Variants in FADS6 observed in about 807,000 individuals in gnomAD.
FADS6 encodes the protein fatty acid desaturase 6.
FADS6 carries 28 observed loss-of-function variants against 31.7 expected under a neutral mutation model. The observed-to-expected ratio is 0.88, with a 90% CI of 0.66 to 1.21. The LOEUF (loss-of-function observed/expected upper bound fraction) is 1.21, where lower values mean the gene tolerates loss of function less well. Ranked by LOEUF, FADS6 falls within the 50% of genes most tolerant of loss-of-function variation. FADS6 has a pLI of 0.00. For missense variants in FADS6, 494 were observed against 504.2 expected (o/e 0.98, Z 0.19); for synonymous variants, 191 against 213.1 (o/e 0.90, Z 0.90).
chr17:74,879,957 G>A (rs1397121835), intron 4 of FADS6, among the ~76,000 whole-genome samples: 1 of 152,200 alleles, frequency 6.6e-6, no homozygotes, highest in African/African-American at 2.4e-5. Flanking sequence ...TCAAGGTCAA[G>A]TTTAATAGGC....
rs776406127 is a variant in FADS6, at chr17:74,893,509, C to T, written c.87G>A (p.Glu29=). 35 of 1,569,290 alleles carry T rather than the reference C, an allele frequency of 2.2e-5. No individual in the cohort carries two copies. The highest frequency in any genetic ancestry group is 2.8e-5 in the Non-Finnish European group (33 of 1,157,956). Residue 29 remains glutamate, a synonymous_variant, in exon 1 of 6, where the codon GAG becomes GAA. Transcript: ENST00000612771. ...MEPTEPMEPT[E]PMEPARSAHR... is the part of the protein sequence containing the mutation. ...GCGCGCTCCGCGCCGGTTCCATGGG[C>T]TCCGTAGGTTCCATGGGCTCCGTAG...
At chr17:74,879,905 A>T (rs2144705834) in intron 4 of FADS6, among the ~76,000 whole-genome samples, 1 of 152,026 alleles carries the variant, frequency 6.6e-6, no homozygotes, top group Middle Eastern at 3.4e-3. Flanking sequence ...TTCTGGAGAG[A>T]CCCTTCCTGC....
rs373693266 is a variant in FADS6, at chr17:74,888,482, G to T, written c.411+4041C>A. On this transcript the variant is annotated intron_variant, in intron 2 of 5. Transcript: ENST00000612771. ...GAAGGTTGGAGAGACGGCCTGGAGG[G>T]TAATGGTCACACTGAACGCCTGTGA... Among the ~76,000 whole-genome samples the T allele has an allele frequency of 5.3e-5, 8 of 152,282 alleles. No homozygotes were observed. The East Asian group carries it at 1.2e-3, about 22-fold the overall frequency.
At chr17:74,889,994 G>A (rs2038671220) in intron 2 of FADS6, among the ~76,000 whole-genome samples, 1 of 151,758 alleles carries the variant, frequency 6.6e-6, no homozygotes, top group African/African-American at 2.4e-5. Context: ...TCAGGACCAG[G>A]CCCTCCATTA....
chr17:74,890,569 G>A lies in FADS6; in HGVS notation c.411+1954C>T, dbSNP rs115819112. ...CAGCTTCGAGGGGGCTTGCAGGCCT[G>A]AACCTGGTTCCCTAGACAACTGCAG... On this transcript the variant is annotated intron_variant, in intron 2 of 5. Transcript: ENST00000612771. Among the ~76,000 whole-genome samples the A allele has an allele frequency of 7.0e-3, 1,063 of 152,278 alleles. 9 individuals are homozygous for A. The highest frequency in any genetic ancestry group is 0.024 in the African/African-American group (994 of 41,542).
intron 3 of FADS6, 46 bp from the exon 4 acceptor site, chr17:74,881,301 G>A: frequency 6.6e-7 from 1 of 1,522,886 alleles, no homozygotes; most frequent in Non-Finnish European, 8.8e-7. Context: ...CCATCAGGAG[G>A]GGCTCCCTGC....
At position 74,878,494 on chromosome 17, in the gene FADS6, A is replaced by C; in HGVS notation, c.961-17T>G. On this transcript the variant is annotated splice_polypyrimidine_tract_variant and intron_variant, in intron 5 of 5. Coordinates refer to ENST00000612771, the MANE Select transcript of FADS6 (RefSeq NM_178128.6). ...GGGCTTCACCTGGTGGAAGATGGGC[A>C]GGAGAGGGCCTATGAGCAGGGGCTG... 1 of 1,613,146 alleles carries C rather than the reference A, an allele frequency of 6.2e-7. No homozygotes were observed. Among genetic ancestry groups the C allele is most frequent in the Non-Finnish European group, 8.5e-7 (1 of 1,179,356 alleles).
chr17:74,886,819 T>G (rs2038628491), intron 2 of FADS6, among the ~76,000 whole-genome samples: 1 of 152,128 alleles, frequency 6.6e-6, no homozygotes, highest in Non-Finnish European at 1.5e-5. Context: ...TCCCACAGCC[T>G]TTGTCCATAC....
intron 3 of FADS6, among the ~76,000 whole-genome samples, chr17:74,881,716 A>C (rs2038571129): frequency 6.6e-6 from 1 of 150,498 alleles, no homozygotes; most frequent in East Asian, 1.9e-4. Context: ...CAGCCTGGGC[A>C]ACAGAGCAAG....
chr17:74,889,891 A>AAAAAAAAAC (rs2038670029), intron 2 of FADS6, among the ~76,000 whole-genome samples: 1 of 150,182 alleles, frequency 6.7e-6, no homozygotes, highest in Non-Finnish European at 1.5e-5. Flanking sequence ...AAAAAAAAAA[A>AAAAAAAAAC]AAAAGACAAA....
At chr17:74,881,997 G>T (rs1334965710) in intron 3 of FADS6, among the ~76,000 whole-genome samples, 4 of 150,138 alleles carry the variant, frequency 2.7e-5, no homozygotes, top group Non-Finnish European at 5.9e-5. Context: ...GTGCAATGGT[G>T]AGATCTCGGC....
chr17:74,892,456 C>G (rs538299901), intron 2 of FADS6, 67 bp downstream of exon 2: 53 of 1,536,960 alleles, frequency 3.4e-5, no homozygotes, highest in Middle Eastern at 3.8e-4. Context: ...CCCGCATGCT[C>G]GAACAGAAGA....
downstream of FADS6, among the ~76,000 whole-genome samples, chr17:74,876,657 C>A (rs2038510152): frequency 1.3e-5 from 2 of 152,132 alleles, no homozygotes; most frequent in Non-Finnish European, 2.9e-5. Context: ...ATTAGCCAGG[C>A]ATGGTGGCAG....
chr17:74,877,368 C>G lies in FADS6; in HGVS notation c.*963G>C, dbSNP rs934748064. ...TATTTTTTTGAGATGGAGTCTCGCT[C>G]TGTCACCCAGGCTGGAATGCAATGG... On this transcript the variant is annotated 3_prime_UTR_variant, in exon 6 of 6. Coordinates refer to ENST00000612771, the MANE Select transcript of FADS6 (RefSeq NM_178128.6). 1.3e-5 allele frequency: 2 copies of G among 150,638 alleles called. No homozygotes were observed. Among genetic ancestry groups the G allele is most frequent in the African/African-American group, 4.9e-5 (2 of 40,966 alleles). 9.3% of individuals were successfully genotyped at this position (150,638 alleles called of 1,614,324 possible).
chr17:74,885,000 G>A (rs1396765762), intron 2 of FADS6, among the ~76,000 whole-genome samples: 3 of 151,940 alleles, frequency 2.0e-5, no homozygotes, highest in Non-Finnish European at 4.4e-5. Context: ...GAGCCACTGC[G>A]CCCAGCCTAA....
chr17:74,885,564 C>T (rs2038614292), intron 2 of FADS6, among the ~76,000 whole-genome samples: 1 of 152,124 alleles, frequency 6.6e-6, no homozygotes, highest in Non-Finnish European at 1.5e-5. Context: ...AACGCTGCCC[C>T]TCTGACGACC....
At position 74,878,026 on chromosome 17, in the gene FADS6, C is replaced by G; in HGVS notation, c.*305G>C. The G allele has an allele frequency of 8.8e-7, 1 of 1,141,492 alleles. No individual in the cohort carries two copies. Among genetic ancestry groups the G allele is most frequent in the Non-Finnish European group, 1.1e-6 (1 of 927,762 alleles). The allele number at this position is 1,141,492 out of a possible 1,614,324, so 70.7% of individuals were successfully genotyped here. A position where few individuals can be genotyped will look rare whatever the true frequency, so the allele number is the denominator to read the frequency against. ...TCACCTCCCTTTAACCCTACCAAGG[C>G]TCAGATGGAGCAGGGGGAAGGACCC... On this transcript the variant is annotated 3_prime_UTR_variant, in exon 6 of 6. Coordinates refer to ENST00000612771, the MANE Select transcript of FADS6 (RefSeq NM_178128.6).
Position 74,878,247 on chromosome 17 carries a change from G to A in FADS6, c.*84C>T, listed in dbSNP as rs2038527425. 4 of 1,491,002 alleles carry A rather than the reference G, an allele frequency of 2.7e-6. No homozygotes were observed. The highest frequency in any genetic ancestry group is 4.5e-5 in the Admixed American group (2 of 44,604). 92.4% of individuals were successfully genotyped at this position (1,491,002 alleles called of 1,614,324 possible). A position where few individuals can be genotyped will look rare whatever the true frequency, so the allele number is the denominator to read the frequency against. The stretch of plus-strand genomic sequence containing the variant: ...CTCTCCAGGTCCACCACCAGCCACT[G>A]AGCCACACCCCCTGGACCAGCAGCA... On this transcript the variant is annotated 3_prime_UTR_variant, in exon 6 of 6. Transcript: ENST00000612771.
At chr17:74,876,945 C>T (rs1482886072), downstream of FADS6, among the ~76,000 whole-genome samples, 2 of 152,176 alleles carry the variant, frequency 1.3e-5, no homozygotes, top group East Asian at 3.8e-4. Context: ...GCTCCCAGCC[C>T]TCTCTCAATA....
Sources: gnomAD v4.1 joint callset for allele counts (sites outside exome capture counted in the v4.1 genomes callset) on GRCh38, gnomAD v4.1.1 for gene constraint, MANE v1.5 for transcripts, NCBI Gene and HGNC (gene_info 2026-07-23, HGNC 2026-07-21) for gene names.